Variants in PRKN observed in about 807,000 individuals in gnomAD.
The protein encoded by PRKN is parkin RBR E3 ubiquitin protein ligase.
In PRKN, 56 loss-of-function variants were observed where a neutral mutation model predicts 59.5. The observed-to-expected ratio is 0.94, with a 90% confidence interval of 0.76 to 1.18. The LOEUF is 1.18. Ranked by LOEUF, PRKN falls within the 50% of genes most tolerant of loss-of-function variation. PRKN has a pLI of 0.00. For missense variants in PRKN, 657 were observed against 596.4 expected (o/e 1.10, Z -1.06); for synonymous variants, 250 against 222.1 (o/e 1.13, Z -1.12).
chr6:161,907,622 G>T (rs1390426259), intron 6 of PRKN, among the ~76,000 whole-genome samples: 1 of 152,152 alleles, frequency 6.6e-6, no homozygotes, highest in Non-Finnish European at 1.5e-5. Context: ...GGGGACGTAA[G>T]AGAGGAAAAT....
At chr6:162,144,512 G>C (rs1027177125) in intron 4 of PRKN, among the ~76,000 whole-genome samples, 1 of 152,154 alleles carries the variant, frequency 6.6e-6, no homozygotes, top group East Asian at 1.9e-4. Flanking sequence ...AGCTGGTGTA[G>C]GTTTATGGTG....
chr6:162,563,320 A>AC (rs1443726356), intron 1 of PRKN, among the ~76,000 whole-genome samples: 1 of 33,672 alleles, frequency 3.0e-5, no homozygotes, highest in South Asian at 1.4e-3. Context: ...CAAAAAACAA[A>AC]AAAAAAAAAA....
chr6:162,192,256 T>G (rs1269190632), intron 4 of PRKN, among the ~76,000 whole-genome samples: 1 of 152,138 alleles, frequency 6.6e-6, no homozygotes, highest in African/African-American at 2.4e-5. Flanking sequence ...ACTGACAGAC[T>G]TTGTAAAACT....
rs573094363 is a variant in PRKN at position 161,460,867 on chromosome 6, G to A, written c.1084-73990C>T. Among the ~76,000 whole-genome samples the A allele has an allele frequency of 2.4e-4, 36 of 150,906 alleles. 1 individual carries two copies. The highest frequency in any genetic ancestry group is 7.0e-3 in the Middle Eastern group (2 of 284). On this transcript the variant is annotated intron_variant, in intron 9 of 11. Coordinates refer to ENST00000366898, the MANE Select transcript of PRKN (RefSeq NM_004562.3). The surrounding 1 kb of genome is among the most constrained non-coding windows in gnomAD (Gnocchi z 5.0). Reference sequence around the variant, plus strand: ...CTGGTTCAAGCAATTCTCCTGCCTCGGCCTCCCAAGTAGCTGGGACTACAG... The same window carrying A: ...CTGGTTCAAGCAATTCTCCTGCCTCAGCCTCCCAAGTAGCTGGGACTACAG...
intron 9 of PRKN, among the ~76,000 whole-genome samples, chr6:161,420,322 C>T (rs745935685): frequency 7.9e-5 from 12 of 151,122 alleles, no homozygotes; most frequent in Non-Finnish European, 1.6e-4. Context: ...TGCAATAAAG[C>T]ATTCTTTTCT....
chr6:162,329,001 A>C (rs1783442110), intron 2 of PRKN, among the ~76,000 whole-genome samples: 1 of 152,196 alleles, frequency 6.6e-6, no homozygotes, highest in Non-Finnish European at 1.5e-5. Context: ...CCAAAATGCC[A>C]ATATTTGGTA....
At chr6:162,572,819 T>C (rs554091806) in intron 1 of PRKN, among the ~76,000 whole-genome samples, 1 of 150,902 alleles carries the variant, frequency 6.6e-6, no homozygotes, top group East Asian at 1.9e-4. Flanking sequence ...TTTAGGTTCC[T>C]GTGGCTGTGA....
At chr6:162,147,821 T>C (rs1782093576) in intron 4 of PRKN, among the ~76,000 whole-genome samples, 1 of 152,150 alleles carries the variant, frequency 6.6e-6, no homozygotes, top group Non-Finnish European at 1.5e-5. Context: ...ACAGAGGCAT[T>C]ACAGGGTTAT....
chr6:162,001,154 T>C (rs375590343), intron 5 of PRKN, among the ~76,000 whole-genome samples: 2 of 152,052 alleles, frequency 1.3e-5, no homozygotes, highest in South Asian at 2.1e-4. Context: ...ATATAAACTT[T>C]TGAATCAGTT....
chr6:161,479,404 T>C (rs1027642938), intron 9 of PRKN, among the ~76,000 whole-genome samples: 2 of 152,214 alleles, frequency 1.3e-5, no homozygotes, highest in African/African-American at 4.8e-5. Context: ...TTTTTGCTTT[T>C]TATGTTAACT....
chr6:162,014,351 A>G (rs867842986), intron 5 of PRKN, among the ~76,000 whole-genome samples: 26 of 152,038 alleles, frequency 1.7e-4, no homozygotes, highest in South Asian at 8.3e-4. Context: ...ACGTACTCAC[A>G]CTGCTACATA....
chr6:161,358,984 C>T (rs1052108762), intron 11 of PRKN, among the ~76,000 whole-genome samples: 5 of 151,784 alleles, frequency 3.3e-5, no homozygotes, highest in South Asian at 2.1e-4. Flanking sequence ...TTAGTAGAGA[C>T]GGGGTTTCAC....
chr6:161,617,789 G>C (rs1489010143), intron 7 of PRKN, among the ~76,000 whole-genome samples: 1 of 152,230 alleles, frequency 6.6e-6, no homozygotes, highest in African/African-American at 2.4e-5. Context: ...GGCATGGGAT[G>C]GGGGGCAACC....
intron 9 of PRKN, among the ~76,000 whole-genome samples, chr6:161,485,142 C>G (rs1253937073): frequency 6.6e-6 from 1 of 152,200 alleles, no homozygotes; most frequent in Non-Finnish European, 1.5e-5. Flanking sequence ...TATTAATATT[C>G]TGGGGAATTC....
intron 2 of PRKN, among the ~76,000 whole-genome samples, chr6:162,357,314 GA>G (rs1276538768): frequency 6.6e-6 from 1 of 152,054 alleles, no homozygotes; most frequent in Non-Finnish European, 1.5e-5. Context: ...ATGGTCAAAA[GA>G]GTTAAGCAGA....
chr6:162,373,077 C>A (rs1204576246), intron 2 of PRKN, among the ~76,000 whole-genome samples: 4 of 152,038 alleles, frequency 2.6e-5, no homozygotes, highest in Admixed American at 1.3e-4. Flanking sequence ...GAGACTAAGA[C>A]AGTGAGGAGA....
intron 1 of PRKN, among the ~76,000 whole-genome samples, chr6:162,493,240 G>A (rs998396939): frequency 2.6e-5 from 4 of 152,178 alleles, no homozygotes; most frequent in Admixed American, 2.6e-4. Context: ...ATGGAAAAGG[G>A]AGAACTGCGA....
Position 162,199,898 on chromosome 6 carries a change from T to C in PRKN, c.534+1233A>G, listed in dbSNP as rs1017557540. On this transcript the variant is annotated intron_variant, in intron 4 of 11. Transcript: ENST00000366898. ...CACCCATTCTACAGGGCTGCCACCT[T>C]GACCCTGGCCCACAGCTCCTCATCT... 2.0e-5 allele frequency among the ~76,000 whole-genome samples: 3 copies of C among 152,250 alleles called. No individual in the cohort carries two copies. The South Asian group carries it at 6.2e-4, about 32-fold the overall frequency.
intron 2 of PRKN, among the ~76,000 whole-genome samples, chr6:162,293,465 G>A (rs886387140): frequency 2.0e-5 from 3 of 152,142 alleles, no homozygotes; most frequent in African/African-American, 7.2e-5. Context: ...CTGAGTTCTC[G>A]GACCACTCAG....
Sources: allele counts gnomAD v4.1 joint callset (sites outside exome capture counted in the v4.1 genomes callset), GRCh38; gene constraint gnomAD v4.1.1; non-coding constraint Gnocchi (gnomAD v3.1); transcripts MANE v1.5; gene names NCBI Gene and HGNC (gene_info 2026-07-23, HGNC 2026-07-21).